CNTN5: variants seen among roughly 807,000 people sequenced by gnomAD.
The protein encoded by CNTN5 is contactin-5.
CNTN5 carries 77 observed loss-of-function variants against 129.1 expected under a neutral mutation model. The ratio of observed to expected loss-of-function variants is 0.60; its 90% CI spans 0.50 to 0.72. CNTN5 has a LOEUF of 0.72. Ranked by LOEUF, CNTN5 falls within the 30% of genes least tolerant of loss-of-function variation. The pLI is 0.00. For missense variants in CNTN5, 1,478 were observed against 1,328.8 expected, an observed-to-expected ratio of 1.11 and a Z score of -1.75; for synonymous variants, 509 against 465.6, an observed-to-expected ratio of 1.09 and a Z score of -1.20.
intron 6 of CNTN5, among the ~76,000 whole-genome samples, chr11:99,897,545 A>G (rs1949239766): frequency 6.6e-6 from 1 of 152,184 alleles, no homozygotes; most frequent in Non-Finnish European, 1.5e-5. Context: ...ATTACTACAA[A>G]CTAAGCTTCA....
At chr11:100,303,325 C>A (rs1204251951) in intron 20 of CNTN5, among the ~76,000 whole-genome samples, 1 of 151,470 alleles carries the variant, frequency 6.6e-6, no homozygotes, top group Non-Finnish European at 1.5e-5. Flanking sequence ...AAAATAAGTT[C>A]TCAAAATGCA....
intron 16 of CNTN5, among the ~76,000 whole-genome samples, chr11:100,228,668 T>G (rs991051874): frequency 6.6e-6 from 1 of 152,204 alleles, no homozygotes; most frequent in African/African-American, 2.4e-5. Context: ...CACCTATTCA[T>G]TCAGCACCTG....
chr11:99,397,528 T>C (rs1941587713), intron 2 of CNTN5, among the ~76,000 whole-genome samples: 1 of 151,824 alleles, frequency 6.6e-6, no homozygotes, highest in African/African-American at 2.4e-5. Flanking sequence ...TATCTACCTA[T>C]CTATCTAATG....
intron 2 of CNTN5, among the ~76,000 whole-genome samples, chr11:99,332,532 G>GT (rs1013065892): frequency 7.2e-5 from 11 of 151,782 alleles, no homozygotes; most frequent in Admixed American, 2.0e-4. Flanking sequence ...TACAAAGACA[G>GT]TTTTTTTTAT....
At chr11:99,901,886 T>G (rs553756463) in intron 6 of CNTN5, among the ~76,000 whole-genome samples, 9 of 152,322 alleles carry the variant, frequency 5.9e-5, no homozygotes, top group Non-Finnish European at 8.8e-5. Flanking sequence ...TCAGTGTAAG[T>G]TAAGGTCTGT....
chr11:99,656,865 CG>C (rs566343932), intron 3 of CNTN5, among the ~76,000 whole-genome samples: 65 of 151,890 alleles, frequency 4.3e-4, no homozygotes, highest in African/African-American at 1.5e-3. Context: ...CCCACCAGAA[CG>C]TATTTCTTTA....
At chr11:99,561,952 G>A (rs998408463) in intron 3 of CNTN5, among the ~76,000 whole-genome samples, 2 of 152,132 alleles carry the variant, frequency 1.3e-5, no homozygotes, top group African/African-American at 4.8e-5. Context: ...ATCAGAATAT[G>A]CCACTCCAAA....
intron 2 of CNTN5, among the ~76,000 whole-genome samples, chr11:99,448,253 C>A (rs1263369846): frequency 6.6e-6 from 1 of 151,958 alleles, no homozygotes; most frequent in Non-Finnish European, 1.5e-5. Flanking sequence ...ATATGAAAGA[C>A]CCACAAAATA....
rs565777008 is a variant in CNTN5, at chr11:99,625,775, A to T, written c.55+69506A>T. Among the ~76,000 whole-genome samples, 278 of 91,372 alleles carry T rather than the reference A, an allele frequency of 3.0e-3. 1 individual carries two copies. Among genetic ancestry groups the T allele is most frequent in the African/African-American group, 8.1e-3 (261 of 32,046 alleles). 59.9% of individuals were successfully genotyped at this position (91,372 alleles called of 152,430 possible). On this transcript the variant is annotated intron_variant, in intron 3 of 24. Transcript: ENST00000524871. ...ACTCCTTTATCATATTCAATTAAAA[A>T]GATATTGATTGAGAGAGTTTCATGA...
chr11:99,022,520 CTAAGT>C (rs778970391), intron 1 of CNTN5, among the ~76,000 whole-genome samples: 4 of 152,200 alleles, frequency 2.6e-5, no homozygotes, highest in Middle Eastern at 3.4e-3. Flanking sequence ...TCAAATTATT[CTAAGT>C]TAAGTGGGGA....
intron 21 of CNTN5, among the ~76,000 whole-genome samples, chr11:100,324,866 A>G (rs1488484766): frequency 6.6e-6 from 1 of 152,182 alleles, no homozygotes; most frequent in Admixed American, 6.5e-5. Context: ...AGTTTAACTA[A>G]GCATCATTTA....
At chr11:99,560,992 T>C (rs1591281231) in intron 3 of CNTN5, among the ~76,000 whole-genome samples, 1 of 152,226 alleles carries the variant, frequency 6.6e-6, no homozygotes, top group Admixed American at 6.5e-5. Flanking sequence ...TTAGAATCTA[T>C]GTGTCTGAGT....
At chr11:99,229,662 G>A (rs1860885712) in intron 1 of CNTN5, among the ~76,000 whole-genome samples, 1 of 151,970 alleles carries the variant, frequency 6.6e-6, no homozygotes, top group African/African-American at 2.4e-5. Context: ...ACATTTAGAG[G>A]AAATCACAAA....
intron 1 of CNTN5, among the ~76,000 whole-genome samples, chr11:99,201,383 T>TTCCTTCC (rs1859192868): frequency 3.1e-4 from 8 of 26,022 alleles, no homozygotes; most frequent in Admixed American, 4.2e-4. Context: ...TCCTTCCTTC[T>TTCCTTCC]TTCCTTCCTT....
At chr11:99,525,309 A>G (rs191560827) in intron 2 of CNTN5, among the ~76,000 whole-genome samples, 74 of 152,346 alleles carry the variant, frequency 4.9e-4, no homozygotes, top group African/African-American at 1.6e-3. Flanking sequence ...GGACAAAAAC[A>G]GCACACAGCT....
intron 2 of CNTN5, among the ~76,000 whole-genome samples, chr11:99,459,127 G>C (rs1430169826): frequency 6.6e-6 from 1 of 151,872 alleles, no homozygotes; most frequent in Non-Finnish European, 1.5e-5. Flanking sequence ...ATATCCCAGG[G>C]GAATATGTGA....
intron 2 of CNTN5, among the ~76,000 whole-genome samples, chr11:99,463,275 A>G (rs545852374): frequency 2.0e-5 from 3 of 150,782 alleles, no homozygotes; most frequent in Admixed American, 2.0e-4. Flanking sequence ...CATCTCTACT[A>G]AAAATACAAA....
intron 2 of CNTN5, among the ~76,000 whole-genome samples, chr11:99,399,136 G>T (rs979815473): frequency 1.4e-5 from 2 of 141,868 alleles, no homozygotes. Context: ...AAATTATGGG[G>T]CTACATAAGC....
chr11:99,367,096 C>A (rs1479204467), intron 2 of CNTN5, among the ~76,000 whole-genome samples: 4 of 152,142 alleles, frequency 2.6e-5, no homozygotes, highest in Non-Finnish European at 5.9e-5. Context: ...AAGATTTAAT[C>A]ACCCAATTCT....
Sources: allele counts gnomAD v4.1 joint callset (sites outside exome capture counted in the v4.1 genomes callset), GRCh38; gene constraint gnomAD v4.1.1; transcripts MANE v1.5; gene names NCBI Gene and HGNC (gene_info 2026-07-23, HGNC 2026-07-21).